FCGR3B: variants seen among roughly 807,000 people sequenced by gnomAD.
The protein encoded by FCGR3B is low affinity immunoglobulin gamma Fc region receptor III-B.
FCGR3B carries 20 observed loss-of-function variants against 26.7 expected under a neutral mutation model. The observed-to-expected ratio is 0.75, with a 90% CI of 0.53 to 1.09. The LOEUF (loss-of-function observed/expected upper bound fraction) is 1.09, where lower values mean the gene tolerates loss of function less well. FCGR3B is among the 50% of genes least tolerant of loss of function. The probability of loss-of-function intolerance (pLI) is 0.00; values close to 1 mark genes in which losing one functional copy is unlikely to be tolerated. For synonymous variants in FCGR3B, 79 were observed against 107.0 expected (o/e 0.74, Z 1.62); for missense variants, 191 against 279.7 (o/e 0.68, Z 2.26).
In FCGR3B at chr1:161,627,663, G is replaced by A. The variant is rs189730155; in HGVS notation, c.320-1261C>T. Among the ~76,000 whole-genome samples, 265 of 150,372 alleles carry A rather than the reference G, an allele frequency of 1.8e-3. 12 individuals are homozygous for A. The highest frequency in any genetic ancestry group is 4.6e-3 in the Admixed American group (70 of 15,070). On this transcript the variant is annotated intron_variant, in intron 3 of 4. Transcript: ENST00000650385. ...TGAATCATTATTAGCATAAAGTCAT[G>A]GTTAGTATATAGTCTGGTGGCCTTT...
chr1:161,626,200 C>T lies in FCGR3B; in HGVS notation c.522G>A (p.Gly174=), dbSNP rs367634824. Residue 174 remains glycine (G), a synonymous_variant, in exon 4 of 5, where the codon GGG becomes GGA. Transcript: ENST00000650385. ...LKDSGSYFCR[G]LVGSKNVSSE... Reference sequence around the variant, plus strand: ...AAGACACATTTTTACTCCCAACAAGCCCCCTGCAGAAGTAGGAGCCGCTAT... The same window carrying T: ...AAGACACATTTTTACTCCCAACAAGTCCCCTGCAGAAGTAGGAGCCGCTAT... The T allele has an allele frequency of 1.9e-6, 3 of 1,609,416 alleles. No individual in the cohort carries two copies. In the South Asian group the frequency reaches 3.3e-5, roughly 18 times the overall value.
At position 161,631,138 on chromosome 1, in the gene FCGR3B, C is replaced by G; in HGVS notation, c.-44G>C. 2.5e-6 allele frequency: 4 copies of G among 1,607,704 alleles called. No homozygotes were observed. Among genetic ancestry groups the G allele is most frequent in the Non-Finnish European group, 3.4e-6 (4 of 1,177,388 alleles). Reference sequence around the variant, plus strand: ...ACAAGTCACCAAAGATATCCGGAGCCCTAAAGGGACCAAGCCGACTAGACA... The same window carrying G: ...ACAAGTCACCAAAGATATCCGGAGCGCTAAAGGGACCAAGCCGACTAGACA... On this transcript the variant is annotated 5_prime_UTR_variant, in exon 1 of 5. Coordinates refer to ENST00000650385, the MANE Select transcript of FCGR3B (RefSeq NM_001244753.2).
Position 161,629,937 on chromosome 1 carries a change from C to G in FCGR3B, c.160G>C (p.Glu54Gln), listed in dbSNP as rs772985521. The stretch of plus-strand genomic sequence containing the variant: ...TGAAACCACTGTGTGGAATTGTCCT[C>G]AGGGGAGTAGGCTCCCTGGCACTTC... ...TLKCQGAYSP[E>Q]DNSTQWFHNE... is the part of the protein sequence containing the mutation. The change falls in exon 3 of 5, where the codon GAG (glutamate) becomes CAG (glutamine). Residue 54 changes from glutamate (E) to glutamine (Q), a missense_variant. By Grantham distance (29) the Glu-to-Gln change is conservative. Transcript: ENST00000650385. The G allele has an allele frequency of 6.6e-7, 1 of 1,519,150 alleles. No individual in the cohort carries two copies. The highest frequency in any genetic ancestry group is 8.8e-7 in the Non-Finnish European group (1 of 1,141,442). The allele number at this position is 1,519,150 out of a possible 1,614,324, so 94.1% of individuals were successfully genotyped here. A position where few individuals can be genotyped will look rare whatever the true frequency, so the allele number is the denominator to read the frequency against.
chr1:161,631,235 C>T, upstream of FCGR3B: 1 of 1,560,948 alleles, frequency 6.4e-7, no homozygotes, highest in East Asian at 2.3e-5. Context: ...TTTCTTGAAA[C>T]TTCATCTGAT....
At chr1:161,625,811 C>T (rs1259484679) in intron 4 of FCGR3B, among the ~76,000 whole-genome samples, 3 of 145,722 alleles carry the variant, frequency 2.1e-5, no homozygotes, top group Non-Finnish European at 4.5e-5. Flanking sequence ...AAGAAGGAGG[C>T]CAGCACGATA....
At chr1:161,631,893 G>C (rs1436087277), upstream of FCGR3B, 1 of 144,044 alleles carries the variant, frequency 6.9e-6, no homozygotes, top group Admixed American at 7.0e-5. Flanking sequence ...TACCTTCCTC[G>C]TGTTACCCAG....
chr1:161,626,110 C>T (rs748627593), intron 4 of FCGR3B, 35 bp downstream of exon 4: 20 of 1,597,194 alleles, frequency 1.3e-5, no homozygotes, highest in Non-Finnish European at 1.6e-5. Context: ...CACACACAGG[C>T]GTCCCTGGGC....
chr1:161,630,169 G>A, intron 2 of FCGR3B, 134 bp from the exon 3 acceptor site: 3 of 981,800 alleles, frequency 3.1e-6, no homozygotes, highest in Non-Finnish European at 4.5e-6. Context: ...GAGCATCTTG[G>A]CCCCATTTTT....
intron 4 of FCGR3B, among the ~76,000 whole-genome samples, chr1:161,625,386 A>C: frequency 8.0e-6 from 1 of 124,410 alleles, no homozygotes; most frequent in East Asian, 2.1e-4. Context: ...TGGATGACTT[A>C]ATGGGATCAT....
rs778492486 is a variant in FCGR3B at position 161,631,034 on chromosome 1, A to G, written c.40+21T>C. On this transcript the variant is annotated intron_variant, in intron 1 of 4. Transcript: ENST00000650385. Reference sequence around the variant, plus strand: ...CAAGGCATCTCAAACTTCTCCCTCAACCAGGGAGATCCTGACTTACCTAGA... The same window carrying G: ...CAAGGCATCTCAAACTTCTCCCTCAGCCAGGGAGATCCTGACTTACCTAGA... The G allele has an allele frequency of 1.1e-5, 17 of 1,601,240 alleles. No homozygotes were observed. In the East Asian group the frequency reaches 3.4e-4, roughly 32 times the overall value.
chr1:161,630,897 G>A (rs1356571016), intron 1 of FCGR3B, 158 bp downstream of exon 1: 1 of 1,434,034 alleles, frequency 7.0e-7, no homozygotes, highest in Non-Finnish European at 9.2e-7. Flanking sequence ...CTCATTTCTA[G>A]CCCCATCTTG....
Position 161,625,035 on chromosome 1 carries a change from A to G in FCGR3B, c.578-396T>C, listed in dbSNP as rs182658024. 4.1e-5 allele frequency among the ~76,000 whole-genome samples: 6 copies of G among 144,974 alleles called. 1 individual carries two copies. The East Asian group carries it at 9.7e-4, about 23-fold the overall frequency. ...GATTTTGATATATTTCCAAACTTAA[A>G]AAAAATGACCAGAATAGTATAAAGA... On this transcript the variant is annotated intron_variant, in intron 4 of 4. Transcript: ENST00000650385.
At chr1:161,631,393 A>C, upstream of FCGR3B, 1 of 609,748 alleles carries the variant, frequency 1.6e-6, no homozygotes, top group Non-Finnish European at 2.8e-6. Flanking sequence ...AATCTGCCAG[A>C]GTGTGCCCTC....
At chr1:161,627,961 G>C (rs1679545457) in intron 3 of FCGR3B, among the ~76,000 whole-genome samples, 1 of 150,230 alleles carries the variant, frequency 6.7e-6, no homozygotes, top group South Asian at 2.1e-4. Context: ...TTGGAATAAA[G>C]AAATTCTGCC....
intron 4 of FCGR3B, among the ~76,000 whole-genome samples, chr1:161,625,820 T>C (rs1161045096): frequency 2.7e-5 from 4 of 146,340 alleles, no homozygotes; most frequent in Non-Finnish European, 6.0e-5. Flanking sequence ...GCCAGCACGA[T>C]AGGAACATAT....
chr1:161,626,006 C>T (rs1406046365), intron 4 of FCGR3B, 139 bp downstream of exon 4: 4 of 969,120 alleles, frequency 4.1e-6, no homozygotes, highest in Middle Eastern at 3.4e-4. Context: ...TGGGGACCTC[C>T]TGGTGATCAC....
chr1:161,628,271 TCAAAAA>T (rs1296433243), intron 3 of FCGR3B, among the ~76,000 whole-genome samples: 3 of 149,652 alleles, frequency 2.0e-5, no homozygotes, highest in East Asian at 1.9e-4. Context: ...AAACTCTGTC[TCAAAAA>T]CAAAAACAAA....
chr1:161,626,210 A>C lies in FCGR3B; in HGVS notation c.512T>G (p.Phe171Cys), dbSNP rs2102588152. Residue 171 changes from phenylalanine (F) to cysteine (C), a missense_variant, in exon 4 of 5, where the codon TTC becomes TGC. By Grantham distance (205) the Phe-to-Cys change is radical. Around this residue, in one of 2 missense-constraint regions of FCGR3B, gnomAD observed 103 missense variants for 114.5 expected, o/e 0.90. Coordinates refer to ENST00000650385, the MANE Select transcript of FCGR3B (RefSeq NM_001244753.2). The stretch of plus-strand genomic sequence containing the variant: ...TTTACTCCCAACAAGCCCCCTGCAG[A>C]AGTAGGAGCCGCTATCTTTGAGTGT... Reference protein sequence around the residue: ...KATLKDSGSYFCRGLVGSKNV... With the variant: ...KATLKDSGSYCCRGLVGSKNV... The C allele has an allele frequency of 2.5e-6, 4 of 1,608,752 alleles. 1 individual carries two copies. In the East Asian group the frequency reaches 8.9e-5, roughly 36 times the overall value.
At chr1:161,630,471 C>T (rs1570987917) in intron 1 of FCGR3B, 83 bp from the exon 2 acceptor site, 1 of 1,171,164 alleles carries the variant, frequency 8.5e-7, no homozygotes, top group South Asian at 1.3e-5. Flanking sequence ...TAAAACTCCC[C>T]TGCCCTCCTC....
Sources: gnomAD v4.1 joint callset for allele counts (sites outside exome capture counted in the v4.1 genomes callset) on GRCh38, gnomAD v4.1.1 for gene constraint, gnomAD v4.1.1 regional missense constraint, MANE v1.5 for transcripts, NCBI Gene and HGNC (gene_info 2026-07-23, HGNC 2026-07-21) for gene names.